The following ICE2 variants were observed in gnomAD, a reference collection of about 807,000 sequenced individuals.
ICE2 encodes interactor of little elongation complex ELL subunit 2.
In ICE2, 87 loss-of-function variants were observed where a neutral mutation model predicts 105.4. That is an observed-to-expected ratio of 0.83 (90% confidence interval 0.69 to 0.99). The LOEUF (loss-of-function observed/expected upper bound fraction) is 0.99. ICE2 is among the 50% of genes least tolerant of loss of function. ICE2 has a pLI of 0.00. For synonymous variants in ICE2, 399 were observed against 392.0 expected (o/e 1.02, Z -0.21); for missense variants, 1,323 against 1,146.7 (o/e 1.15, Z -2.22).
At chr15:60,444,378 G>GA (rs903473474) in intron 11 of ICE2, among the ~76,000 whole-genome samples, 2 of 151,328 alleles carry the variant, frequency 1.3e-5, no homozygotes, top group African/African-American at 2.4e-5. Context: ...GAAGCCAGGG[G>GA]AAAAAAAAGG....
intron 12 of ICE2, among the ~76,000 whole-genome samples, chr15:60,436,823 T>TA: frequency 6.6e-6 from 1 of 152,026 alleles, no homozygotes; most frequent in Non-Finnish European, 1.5e-5. Context: ...TATTTTTATG[T>TA]TAATACATAT....
At position 60,448,043 on chromosome 15, in the gene ICE2, A is replaced by G. The variant is rs143967302; in HGVS notation, c.2222T>C (p.Leu741Ser). Reference sequence around the variant, plus strand: ...CTGGACACTGCAGCGTACGAGTAACAACAGGTCTTGCAGGCTAAATAACTT... The same window carrying G: ...CTGGACACTGCAGCGTACGAGTAACGACAGGTCTTGCAGGCTAAATAACTT... ...VYKLFSLQDL[L>S]LLVRCSVQRI... is the part of the protein sequence containing the mutation. Residue 741 changes from leucine (L) to serine (S), a missense_variant, in exon 11 of 16, where the codon TTG becomes TCG. By Grantham distance (145) the Leu-to-Ser change is moderately radical. Transcript: ENST00000261520. 8.7e-6 allele frequency: 14 copies of G among 1,613,836 alleles called. No individual in the cohort carries two copies. The highest frequency in any genetic ancestry group is 1.2e-5 in the Non-Finnish European group (14 of 1,179,840).
chr15:60,438,862 T>A (rs1297594079), intron 12 of ICE2: 1 of 152,220 alleles, frequency 6.6e-6, no homozygotes, highest in Non-Finnish European at 1.5e-5. Flanking sequence ...GCTTCCTGGC[T>A]ATTGCCCTTC....
At position 60,442,505 on chromosome 15, in the gene ICE2, G is replaced by A. The variant is rs776093385; in HGVS notation, c.2336C>T (p.Ala779Val). Residue 779 changes from alanine (A) to valine (V), a missense_variant, in exon 12 of 16, where the codon GCT becomes GTT. Transcript: ENST00000261520. ...VYVLPKVEYQ[A>V]CYGVEALTES... ...AGTCAGAGCTTCAACTCCATAACAA[G>A]CTTGATACTCTACTTTTGGTAGTAC... is the stretch of plus-strand genomic sequence containing the variant. 1 of 1,589,962 alleles carries A rather than the reference G, an allele frequency of 6.3e-7. No homozygotes were observed. Among genetic ancestry groups the A allele is most frequent in the Non-Finnish European group, 8.5e-7 (1 of 1,174,182 alleles).
rs774657851 is a variant in ICE2 at position 60,456,794 on chromosome 15, T to C, written c.529A>G (p.Lys177Glu). Residue 177 changes from lysine to glutamate, a missense_variant and splice_region_variant, in exon 6 of 16, where the codon AAA becomes GAA. Coordinates refer to ENST00000261520, the MANE Select transcript of ICE2 (RefSeq NM_024611.6). ...LSDDARLFTE[K>E]ILRACIEQVK... is the part of the protein sequence containing the mutation. ...TGTTCAATGCAAGCTCTTAAAATTT[T>C]CTGAGAAACAGAAATTAAGAAAAAT... The C allele has an allele frequency of 2.0e-6, 3 of 1,473,340 alleles. No homozygotes were observed. Among genetic ancestry groups the C allele is most frequent in the Non-Finnish European group, 2.7e-6 (3 of 1,107,004 alleles). The allele number at this position is 1,473,340 out of a possible 1,614,324, so 91.3% of individuals were successfully genotyped here. A position where few individuals can be genotyped will look rare whatever the true frequency, so the allele number is the denominator to read the frequency against.
intron 9 of ICE2, among the ~76,000 whole-genome samples, chr15:60,450,864 T>C (rs959123551): frequency 6.6e-6 from 1 of 152,226 alleles, no homozygotes; most frequent in African/African-American, 2.4e-5. Flanking sequence ...TGGTAATTCC[T>C]ACTAAAAGAC....
Position 60,456,556 on chromosome 15 carries a change from T to TA in ICE2, c.666+100dup, listed in dbSNP as rs1208111781. On this transcript the variant is annotated intron_variant, in intron 6 of 15. Coordinates refer to ENST00000261520, the MANE Select transcript of ICE2 (RefSeq NM_024611.6). ...CTCTGTCTCCAAAAAAAAAAATAAATAAATAAATAAATATATATATATATA... is the reference window on the plus strand; with the variant it reads ...CTCTGTCTCCAAAAAAAAAAATAAATAAAATAAATAAATATATATATATATA... 2.7e-3 allele frequency: 228 copies of TA among 83,902 alleles called. 7 individuals are homozygous for TA. The highest frequency in any genetic ancestry group is 8.5e-3 in the African/African-American group (213 of 25,150). 5.2% of individuals were successfully genotyped at this position (83,902 alleles called of 1,614,324 possible).
chr15:60,468,911 G>A (rs1425718407), intron 3 of ICE2, among the ~76,000 whole-genome samples: 2 of 152,178 alleles, frequency 1.3e-5, no homozygotes. Flanking sequence ...GTACATGGCT[G>A]AGTTCATGGA....
In ICE2 at chr15:60,449,520, T is replaced by G; in HGVS notation, c.1447A>C (p.Asn483His). 1.2e-6 allele frequency: 2 copies of G among 1,614,190 alleles called. No homozygotes were observed. Among genetic ancestry groups the G allele is most frequent in the East Asian group, 2.2e-5 (1 of 44,882 alleles). Residue 483 changes from asparagine to histidine, a missense_variant, in exon 10 of 16, where the codon AAT becomes CAT. Physicochemically the swap from Asn to His is moderately conservative, Grantham distance 68 (BLOSUM62 1). Transcript: ENST00000261520. The stretch of plus-strand genomic sequence containing the variant: ...GATTCAAATCCCTGATCATCTTTAT[T>G]TTTGCATTCCTCAGGGCCACCATCC... ...GMDGGPEECK[N>H]KDDQGFESCE...
Position 60,453,753 on chromosome 15 carries a change from A to T in ICE2, c.975T>A (p.Asn325Lys), listed in dbSNP as rs760887114. ...TCATTTTCTTTTGGGGAAGTGGTGAATTAATATATATTACTTTAACTGGTT... is the reference window on the plus strand; with the variant it reads ...TCATTTTCTTTTGGGGAAGTGGTGATTTAATATATATTACTTTAACTGGTT... ...GSKPVKVIYINSPLPQKKMTM... is the reference protein window; with the variant it reads ...GSKPVKVIYIKSPLPQKKMTM... Residue 325 changes from asparagine to lysine, a missense_variant, in exon 9 of 16, where the codon AAT (asparagine) becomes AAA (lysine). By Grantham distance (94) the Asn-to-Lys change is moderately conservative. Coordinates refer to ENST00000261520, the MANE Select transcript of ICE2 (RefSeq NM_024611.6). The T allele has an allele frequency of 5.1e-6, 8 of 1,584,088 alleles. No individual in the cohort carries two copies. The South Asian group carries it at 8.9e-5, about 18-fold the overall frequency.
intron 6 of ICE2, 93 bp from the exon 7 acceptor site, chr15:60,455,535 A>T (rs959528462): frequency 8.0e-6 from 6 of 750,516 alleles, no homozygotes; most frequent in Non-Finnish European, 1.1e-5. Context: ...CTTAACTTGA[A>T]CTTTATAATT....
In ICE2 at chr15:60,423,342, A is replaced by G. The variant is rs1595728810; in HGVS notation, c.*292T>C. The stretch of plus-strand genomic sequence containing the variant: ...TGATAAAAAACCAAATTATTTTTCT[A>G]TTTACAATTTTTAGAAAAGGTTTAA... On this transcript the variant is annotated 3_prime_UTR_variant, in exon 16 of 16. Coordinates refer to ENST00000261520, the MANE Select transcript of ICE2 (RefSeq NM_024611.6). 1 of 193,494 alleles carries G rather than the reference A, an allele frequency of 5.2e-6. No individual in the cohort carries two copies. The highest frequency in any genetic ancestry group is 1.1e-5 in the Non-Finnish European group (1 of 94,526). The allele number at this position is 193,494 out of a possible 1,614,324, so 12.0% of individuals were successfully genotyped here. A position where few individuals can be genotyped will look rare whatever the true frequency, so the allele number is the denominator to read the frequency against.
At chr15:60,433,852 T>C (rs1375116389) in intron 13 of ICE2, among the ~76,000 whole-genome samples, 1 of 149,846 alleles carries the variant, frequency 6.7e-6, no homozygotes, top group African/African-American at 2.5e-5. Context: ...AGGTGGAGAG[T>C]AGGGTAGGGA....
intron 9 of ICE2, chr15:60,453,298 CA>C (rs1277620357): frequency 7.3e-6 from 8 of 1,093,012 alleles, no homozygotes; most frequent in Non-Finnish European, 8.9e-6. Flanking sequence ...CCACCACCAT[CA>C]AGGAGTTTTC....
intron 11 of ICE2, among the ~76,000 whole-genome samples, chr15:60,445,090 T>C (rs1334986334): frequency 1.3e-5 from 2 of 152,300 alleles, no homozygotes; most frequent in Non-Finnish European, 2.9e-5. Context: ...ACATAAATGA[T>C]ACTGGAAACT....
At chr15:60,445,574 A>G in intron 11 of ICE2, 1 of 962,286 alleles carries the variant, frequency 1.0e-6, no homozygotes, top group Middle Eastern at 5.4e-4. Flanking sequence ...TTCTATTTAG[A>G]CAGTCTTTAG....
At chr15:60,468,651 A>G (rs190714296) in intron 3 of ICE2, among the ~76,000 whole-genome samples, 11 of 152,314 alleles carry the variant, frequency 7.2e-5, no homozygotes, top group African/African-American at 2.6e-4. Context: ...TTATGTTTAC[A>G]TTTTATTAAA....
chr15:60,455,482 A>G lies in ICE2; in HGVS notation c.667-40T>C, dbSNP rs2064082436. 2.2e-6 allele frequency: 3 copies of G among 1,338,314 alleles called. No individual in the cohort carries two copies. In the African/African-American group the frequency reaches 4.3e-5, roughly 19 times the overall value. The allele number at this position is 1,338,314 out of a possible 1,614,324, so 82.9% of individuals were successfully genotyped here. On this transcript the variant is annotated intron_variant, in intron 6 of 15. Coordinates refer to ENST00000261520, the MANE Select transcript of ICE2 (RefSeq NM_024611.6). ...AAAATCATTTTATTGCAAAAATCGC[A>G]ATGTATTTTTTCTAAGAAAAGTATC...
chr15:60,478,916 C>T, intron 1 of ICE2, 87 bp downstream of exon 1: 1 of 454,758 alleles, frequency 2.2e-6, no homozygotes, highest in South Asian at 1.6e-5. Context: ...GCCATGTTCC[C>T]TCCTCCCGCC....
Sources: allele counts gnomAD v4.1 joint callset (sites outside exome capture counted in the v4.1 genomes callset), GRCh38; gene constraint gnomAD v4.1.1; transcripts MANE v1.5; gene names NCBI Gene and HGNC (gene_info 2026-07-23, HGNC 2026-07-21).